Variants in TRAPPC11 observed in about 807,000 individuals in gnomAD.
TRAPPC11 encodes the protein foie gras homolog.
TRAPPC11 carries 104 observed loss-of-function variants against 151.2 expected under a neutral mutation model. That is an observed-to-expected ratio of 0.69 (90% confidence interval 0.59 to 0.81). The LOEUF (loss-of-function observed/expected upper bound fraction) is 0.81. Ranked by LOEUF, TRAPPC11 falls within the 30% of genes least tolerant of loss-of-function variation. The pLI is 0.00. For missense variants in TRAPPC11, 1,230 were observed against 1,349.6 expected, an observed-to-expected ratio of 0.91 and a Z score of 1.39; for synonymous variants, 456 against 472.3, an observed-to-expected ratio of 0.97 and a Z score of 0.45.
intron 26 of TRAPPC11, 77 bp from the exon 27 acceptor site, chr4:183,704,902 C>A: frequency 1.2e-6 from 1 of 860,150 alleles, no homozygotes; most frequent in East Asian, 2.5e-5. Context: ...TACATGTTTC[C>A]TGTTTTTGAT....
At position 183,675,256 on chromosome 4, in the gene TRAPPC11, CTAAA is replaced by C. The variant is rs752910610; in HGVS notation, c.734+21_734+24del. On this transcript the variant is annotated intron_variant, in intron 7 of 29. Transcript: ENST00000334690. The stretch of plus-strand genomic sequence containing the variant: ...CGCTGAAGTAAGTTAAGCTTTCAAA[CTAAA>C]TGTTTCCTATTTTTATATTAACAAT... 6.9e-7 allele frequency: 1 copy of C among 1,439,382 alleles called. No individual in the cohort carries two copies. Among genetic ancestry groups the C allele is most frequent in the Middle Eastern group, 1.8e-4 (1 of 5,444 alleles). 89.2% of individuals were successfully genotyped at this position (1,439,382 alleles called of 1,614,324 possible). A position where few individuals can be genotyped will look rare whatever the true frequency, so the allele number is the denominator to read the frequency against.
intron 10 of TRAPPC11, among the ~76,000 whole-genome samples, chr4:183,680,677 C>CTCT (rs1735632510): frequency 1.2e-5 from 1 of 86,410 alleles, no homozygotes; most frequent in South Asian, 3.1e-4. Context: ...TGTATGGAGA[C>CTCT]TCTTTTTTTT....
chr4:183,680,143 T>C lies in TRAPPC11; in HGVS notation c.989T>C (p.Phe330Ser), dbSNP rs1424040999. ...AGATTCCAGGCCTTTGGAGATTTAT[T>C]TGATGAAGCTATTAAGTTAGGGTTA... is the stretch of plus-strand genomic sequence containing the variant. ...SKQFQAFGDL[F>S]DEAIKLGLTA... Residue 330 changes from phenylalanine to serine, a missense_variant, in exon 10 of 30, where the codon TTT (phenylalanine) becomes TCT (serine). Phe to Ser is a radical substitution (Grantham distance 155). Transcript: ENST00000334690. 2.5e-5 allele frequency: 41 copies of C among 1,613,418 alleles called. No individual in the cohort carries two copies. Among genetic ancestry groups the C allele is most frequent in the Non-Finnish European group, 3.3e-5 (39 of 1,179,780 alleles).
chr4:183,684,385 T>C, intron 14 of TRAPPC11, 26 bp downstream of exon 14: 1 of 1,594,858 alleles, frequency 6.3e-7, no homozygotes, highest in South Asian at 1.1e-5. Context: ...TATTTACTTT[T>C]ACAAGTATTT....
At position 183,679,342 on chromosome 4, in the gene TRAPPC11, A is replaced by G; in HGVS notation, c.832-11A>G. On this transcript the variant is annotated splice_polypyrimidine_tract_variant and intron_variant, in intron 8 of 29. Transcript: ENST00000334690. ...TTTCCTTTATTTTGGGATCAATTTT[A>G]CATTTTGCAGATCTGTAGGCTGTGT... The G allele has an allele frequency of 6.4e-7, 1 of 1,559,320 alleles. No homozygotes were observed. The highest frequency in any genetic ancestry group is 8.6e-7 in the Non-Finnish European group (1 of 1,156,442).
Position 183,705,030 on chromosome 4 carries a change from G to A in TRAPPC11, c.3015G>A (p.Pro1005=), listed in dbSNP as rs532244366. 42 of 1,598,582 alleles carry A rather than the reference G, an allele frequency of 2.6e-5. No individual in the cohort carries two copies. The highest frequency in any genetic ancestry group is 4.5e-5 in the East Asian group (2 of 44,828). The change falls in exon 27 of 30, where the codon CCG becomes CCA. Residue 1005 remains proline, a synonymous_variant. Transcript: ENST00000334690. ...IPIITTVITL[P]HVIVENIPLH... ...TCATCACAACTGTCATCACTCTGCC[G>A]CACGTGATTGTGGAGAATATCCCTC...
chr4:183,693,471 G>A, intron 20 of TRAPPC11, 118 bp from the exon 21 acceptor site: 1 of 1,130,224 alleles, frequency 8.8e-7, no homozygotes, highest in Admixed American at 2.7e-5. Context: ...CTCCCAAAAT[G>A]CTGGGATTAC....
chr4:183,670,877 C>A lies in TRAPPC11; in HGVS notation c.560+2760C>A, dbSNP rs184604919. ...CTTGGCTCACTGCAACCTCTGCCCC[C>A]CAGATTCAAGTGATTCTTCTGCCTC... On this transcript the variant is annotated intron_variant, in intron 5 of 29. Coordinates refer to ENST00000334690, the MANE Select transcript of TRAPPC11 (RefSeq NM_021942.6). Among the ~76,000 whole-genome samples the A allele has an allele frequency of 4.5e-4, 68 of 152,276 alleles. 1 individual carries two copies. The highest frequency in any genetic ancestry group is 4.4e-3 in the Admixed American group (68 of 15,292).
intron 3 of TRAPPC11, 107 bp from the exon 4 acceptor site, chr4:183,666,946 TTTTTTAG>T (rs1734913293): frequency 1.2e-6 from 1 of 811,984 alleles, no homozygotes. Flanking sequence ...TGATCTTGGT[TTTTTTAG>T]TTGAAATTTA....
At chr4:183,693,191 T>C (rs376135465) in intron 20 of TRAPPC11, 44 bp downstream of exon 20, 1 of 1,513,622 alleles carries the variant, frequency 6.6e-7, no homozygotes. Context: ...CATCCTCTTA[T>C]TTCTTTTGCT....
chr4:183,702,124 G>A (rs1458814440), intron 26 of TRAPPC11, among the ~76,000 whole-genome samples: 4 of 152,038 alleles, frequency 2.6e-5, no homozygotes, highest in Non-Finnish European at 1.5e-5. Flanking sequence ...TGGGAGGATC[G>A]CTGGAGCTCA....
intron 19 of TRAPPC11, among the ~76,000 whole-genome samples, chr4:183,692,655 AC>A (rs1191429887): frequency 6.6e-6 from 1 of 152,190 alleles, no homozygotes; most frequent in African/African-American, 2.4e-5. Flanking sequence ...CACTAATTGA[AC>A]CTTCATTACA....
At chr4:183,672,013 T>C (rs1735180412) in intron 5 of TRAPPC11, among the ~76,000 whole-genome samples, 1 of 152,228 alleles carries the variant, frequency 6.6e-6, no homozygotes, top group Non-Finnish European at 1.5e-5. Context: ...TACGTGTGCA[T>C]CTTGTCTAGC....
chr4:183,661,361 C>CTTTTTTTTTTT (rs139201416), intron 1 of TRAPPC11, among the ~76,000 whole-genome samples: 3 of 79,392 alleles, frequency 3.8e-5, no homozygotes, highest in African/African-American at 5.1e-5. Flanking sequence ...TGTAGATTAC[C>CTTTTTTTTTTT]TTTTTTTTTT....
At chr4:183,671,440 C>T (rs966262878) in intron 5 of TRAPPC11, among the ~76,000 whole-genome samples, 4 of 152,058 alleles carry the variant, frequency 2.6e-5, no homozygotes, top group African/African-American at 9.7e-5. Flanking sequence ...ATGTAAGGAC[C>T]CCACCCCTCA....
intron 5 of TRAPPC11, among the ~76,000 whole-genome samples, chr4:183,671,860 C>T (rs1735173042): frequency 6.6e-6 from 1 of 152,108 alleles, no homozygotes; most frequent in Non-Finnish European, 1.5e-5. Context: ...AGTAAATATA[C>T]ATGTGTTCTA....
chr4:183,700,467 C>T (rs908849516), intron 25 of TRAPPC11, among the ~76,000 whole-genome samples: 2 of 152,150 alleles, frequency 1.3e-5, no homozygotes, highest in African/African-American at 4.8e-5. Context: ...TCACAGATTG[C>T]TAAAATTGCC....
In TRAPPC11 at chr4:183,679,498, A is replaced by G. The variant is rs1735571579; in HGVS notation, c.965+12A>G. Reference sequence around the variant, plus strand: ...TGGATGTCTAAACAGTATGTTTTACATTGTCCTTTTAGAATTTTTTAAAAA... The same window carrying G: ...TGGATGTCTAAACAGTATGTTTTACGTTGTCCTTTTAGAATTTTTTAAAAA... On this transcript the variant is annotated intron_variant, in intron 9 of 29. Coordinates refer to ENST00000334690, the MANE Select transcript of TRAPPC11 (RefSeq NM_021942.6). 2 of 1,573,418 alleles carry G rather than the reference A, an allele frequency of 1.3e-6. No homozygotes were observed. Among genetic ancestry groups the G allele is most frequent in the African/African-American group, 1.4e-5 (1 of 73,020 alleles).
chr4:183,667,096 G>A lies in TRAPPC11; in HGVS notation c.411G>A (p.Val137=), dbSNP rs1561028087. The change falls in exon 4 of 30, where the codon GTG becomes GTA. Residue 137 remains valine (V), a synonymous_variant. Coordinates refer to ENST00000334690, the MANE Select transcript of TRAPPC11 (RefSeq NM_021942.6). ...AAGGAAGAAACACAAAAGTTGCAGT[G>A]GTTCTGATTCAGAAGAAAACCCCTT... ...SLQGRNTKVA[V]VLIQKKTPLP... 6.2e-7 allele frequency: 1 copy of A among 1,604,510 alleles called. No individual in the cohort carries two copies. The highest frequency in any genetic ancestry group is 8.5e-7 in the Non-Finnish European group (1 of 1,173,772).
Sources: allele counts gnomAD v4.1 joint callset (sites outside exome capture counted in the v4.1 genomes callset), GRCh38; gene constraint gnomAD v4.1.1; transcripts MANE v1.5; gene names NCBI Gene and HGNC (gene_info 2026-07-23, HGNC 2026-07-21).